The following ADRA1A variants were observed in gnomAD, a reference collection of about 807,000 sequenced individuals.
ADRA1A encodes the protein alpha-1A adrenergic receptor.
ADRA1A carries 31 observed loss-of-function variants against 29.6 expected under a neutral mutation model. The ratio of observed to expected loss-of-function variants is 1.05; its 90% CI spans 0.79 to 1.41. The LOEUF is 1.41. Ranked by LOEUF, ADRA1A falls within the 40% of genes most tolerant of loss-of-function variation. The pLI is 0.00. For missense variants in ADRA1A, 619 were observed against 601.1 expected (o/e 1.03, Z -0.31); for synonymous variants, 311 against 254.3 (o/e 1.22, Z -2.12).
At position 26,769,166 on chromosome 8, in the gene ADRA1A, C is replaced by G. The variant is rs1225249182; in HGVS notation, c.*983G>C. On this transcript the variant is annotated 3_prime_UTR_variant, in exon 3 of 3. Transcript: ENST00000380573. ...CTTTTGCCTTTCAAAATATTATAAG[C>G]TCTGGATTTTCATAACAGAGTTCTG... 2.0e-6 allele frequency: 2 copies of G among 985,280 alleles called. No individual in the cohort carries two copies. Among genetic ancestry groups the G allele is most frequent in the Non-Finnish European group, 2.4e-6 (2 of 829,936 alleles). 61.0% of individuals were successfully genotyped at this position (985,280 alleles called of 1,614,324 possible).
intron 2 of ADRA1A, among the ~76,000 whole-genome samples, chr8:26,847,329 C>A (rs982443808): frequency 1.3e-5 from 2 of 152,160 alleles, no homozygotes; most frequent in Admixed American, 1.3e-4. Context: ...TGGAGGTCAA[C>A]ATCACCCCCG....
intron 2 of ADRA1A, among the ~76,000 whole-genome samples, chr8:26,812,784 C>T (rs1460383981): frequency 6.6e-6 from 1 of 151,882 alleles, no homozygotes; most frequent in African/African-American, 2.4e-5. Flanking sequence ...CCTGCCTCAG[C>T]CTCCCGAGTA....
intron 2 of ADRA1A, among the ~76,000 whole-genome samples, chr8:26,822,190 G>A (rs1211893655): frequency 3.3e-5 from 5 of 152,168 alleles, no homozygotes; most frequent in Non-Finnish European, 5.9e-5. Context: ...GTATGGTATC[G>A]TGGTTGAGAG....
rs571344823 is a variant in ADRA1A at position 26,824,635 on chromosome 8, A to G, written c.883+39452T>C. 2.4e-4 allele frequency among the ~76,000 whole-genome samples: 37 copies of G among 152,284 alleles called. No homozygotes were observed. In the South Asian group the frequency reaches 3.3e-3, roughly 14 times the overall value. ...CCTTCCTCCCTTTTTGCTCAATGCC[A>G]GCATGCTCCCTTAAGCTCTCTAATT... On this transcript the variant is annotated intron_variant, in intron 2 of 2. Coordinates refer to ENST00000380573, the MANE Select transcript of ADRA1A (RefSeq NM_000680.4).
In ADRA1A at chr8:26,776,680, G is replaced by A. The variant is rs73558265; in HGVS notation, c.884-6014C>T. Among the ~76,000 whole-genome samples the A allele has an allele frequency of 2.5e-3, 384 of 152,292 alleles. 1 individual carries two copies. The highest frequency in any genetic ancestry group is 8.1e-3 in the African/African-American group (337 of 41,560). On this transcript the variant is annotated intron_variant, in intron 2 of 2. Coordinates refer to ENST00000380573, the MANE Select transcript of ADRA1A (RefSeq NM_000680.4). ...CTTTCACTGAATGACAACAGGTTTTGCAGAGATAAGGAGAAAGAAGAGAGG... is the reference window on the plus strand; with the variant it reads ...CTTTCACTGAATGACAACAGGTTTTACAGAGATAAGGAGAAAGAAGAGAGG...
At chr8:26,797,257 T>G (rs1422635569) in intron 2 of ADRA1A, among the ~76,000 whole-genome samples, 1 of 152,158 alleles carries the variant, frequency 6.6e-6, no homozygotes, top group Non-Finnish European at 1.5e-5. Flanking sequence ...AAGTATGTTA[T>G]TTATGTTAAT....
intron 2 of ADRA1A, among the ~76,000 whole-genome samples, chr8:26,778,787 C>A (rs975606764): frequency 9.3e-6 from 1 of 107,564 alleles, no homozygotes; most frequent in Non-Finnish European, 1.7e-5. Flanking sequence ...CACACTGGGG[C>A]CTGTTGTGGG....
chr8:26,783,385 G>A (rs1807137829), intron 2 of ADRA1A, among the ~76,000 whole-genome samples: 2 of 152,148 alleles, frequency 1.3e-5, no homozygotes, highest in Non-Finnish European at 1.5e-5. Context: ...TCAGCTGAGC[G>A]ATGTGGCATC....
At chr8:26,790,227 T>C (rs1585696030) in intron 2 of ADRA1A, among the ~76,000 whole-genome samples, 2 of 152,156 alleles carry the variant, frequency 1.3e-5, no homozygotes, top group East Asian at 3.8e-4. Context: ...AAAAGATGAA[T>C]GGATAACAGA....
rs747894155 is a variant in ADRA1A at position 26,770,171 on chromosome 8, C to T, written c.1379G>A (p.Ser460Asn). Residue 460 changes from serine to asparagine, a missense_variant, in exon 3 of 3, where the codon AGT (serine) becomes AAT (asparagine). Transcript: ENST00000380573. ...PTIKVHTISLSENGEEV is the reference protein window; with the variant it reads ...PTIKVHTISLNENGEEV The stretch of plus-strand genomic sequence containing the variant: ...GTCCTAGACTTCCTCCCCGTTCTCA[C>T]TGAGGGAGATGGTGTGGACCTTAAT... The T allele has an allele frequency of 1.3e-6, 2 of 1,564,540 alleles. No homozygotes were observed. Among genetic ancestry groups the T allele is most frequent in the Non-Finnish European group, 8.7e-7 (1 of 1,154,022 alleles).
intron 2 of ADRA1A, among the ~76,000 whole-genome samples, chr8:26,784,350 A>C (rs1262228974): frequency 6.6e-6 from 1 of 152,190 alleles, no homozygotes; most frequent in Admixed American, 6.5e-5. Context: ...CTCACCCAAT[A>C]TCTGCTCCAA....
chr8:26,748,579 A>C, exon 3 of ADRA1A: 1 of 412,916 alleles, frequency 2.4e-6, no homozygotes, highest in South Asian at 1.8e-5. Flanking sequence ...TCTCTACTAA[A>C]AATACAAAAA....
At chr8:26,789,407 G>C (rs1807647317) in intron 2 of ADRA1A, among the ~76,000 whole-genome samples, 1 of 152,108 alleles carries the variant, frequency 6.6e-6, no homozygotes, top group South Asian at 2.1e-4. Context: ...ACATACAGTG[G>C]GGCAAGGATA....
At position 26,831,953 on chromosome 8, in the gene ADRA1A, G is replaced by A. The variant is rs1028874800; in HGVS notation, c.883+32134C>T. ...GGCCTGGCCGTGTGGTTTGTAGGCT[G>A]GAGTGGGGACAGAGGCCTGCTGGTC... On this transcript the variant is annotated intron_variant, in intron 2 of 2. Transcript: ENST00000380573. The surrounding 1 kb of genome is among the most constrained non-coding windows in gnomAD (Gnocchi z 5.2). Among the ~76,000 whole-genome samples, 4 of 152,190 alleles carry A rather than the reference G, an allele frequency of 2.6e-5. No homozygotes were observed. Among genetic ancestry groups the A allele is most frequent in the African/African-American group, 9.6e-5 (4 of 41,456 alleles).
chr8:26,858,975 A>C (rs1813244943), intron 2 of ADRA1A: 1 of 1,087,006 alleles, frequency 9.2e-7, no homozygotes, highest in Admixed American at 4.2e-5. Flanking sequence ...GGAAAAGGGA[A>C]CGTGAGACTT....
At chr8:26,826,051 A>G (rs1810535661) in intron 2 of ADRA1A, among the ~76,000 whole-genome samples, 3 of 152,230 alleles carry the variant, frequency 2.0e-5, no homozygotes, top group African/African-American at 4.8e-5. Flanking sequence ...CATGGAGATC[A>G]TGAACAGAGG....
intron 2 of ADRA1A, among the ~76,000 whole-genome samples, chr8:26,811,957 A>T (rs1189286888): frequency 6.6e-6 from 1 of 152,230 alleles, no homozygotes; most frequent in Non-Finnish European, 1.5e-5. Flanking sequence ...TTATTTACCT[A>T]TTCCACAGGT....
downstream of ADRA1A, chr8:26,765,887 CCTAAAATGTTCTCA>C: frequency 7.0e-7 from 1 of 1,419,508 alleles, no homozygotes; most frequent in South Asian, 1.6e-5. Context: ...GCAAATAGTT[CCTAAAATGTTCTCA>C]CTACCAGGTC....
rs1810170443 is a variant in ADRA1A, at chr8:26,821,522, C to T, written c.883+42565G>A. 6.6e-6 allele frequency among the ~76,000 whole-genome samples: 1 copy of T among 152,160 alleles called. No individual in the cohort carries two copies. On this transcript the variant is annotated intron_variant, in intron 2 of 2. Transcript: ENST00000380573. The surrounding 1 kb of genome is among the most constrained non-coding windows in gnomAD (Gnocchi z 5.6). ...GGAAGCCAACTCCCTGATCCAATCA[C>T]CTCCCACCAGGCCCCACCTCCAACA...
Sources: gnomAD v4.1 joint callset for allele counts (sites outside exome capture counted in the v4.1 genomes callset) on GRCh38, gnomAD v4.1.1 for gene constraint, Gnocchi (gnomAD v3.1) non-coding constraint, MANE v1.5 for transcripts, NCBI Gene and HGNC (gene_info 2026-07-23, HGNC 2026-07-21) for gene names.